The following ARB2A variants were observed in gnomAD, a reference collection of about 807,000 sequenced individuals.
The protein encoded by ARB2A is ARB2 cotranscriptional regulator A.
chr5:94,006,807 T>C, the ARB2A span, among the ~76,000 whole-genome samples: 1 of 152,190 alleles, frequency 6.6e-6, no homozygotes, highest in Non-Finnish European at 1.5e-5. Flanking sequence ...AAATTGCTCA[T>C]AAAATTAAAA....
At chr5:93,836,426 A>C in the ARB2A span, among the ~76,000 whole-genome samples, 2 of 152,222 alleles carry the variant, frequency 1.3e-5, no homozygotes, top group Admixed American at 1.3e-4. Context: ...CACACAAGGA[A>C]ATTTTATGCT....
chr5:94,065,659 C>A, the ARB2A span, among the ~76,000 whole-genome samples: 1 of 152,238 alleles, frequency 6.6e-6, no homozygotes, highest in Non-Finnish European at 1.5e-5. Flanking sequence ...ATAAAGGAAT[C>A]AATTCAGCAA....
the ARB2A span, among the ~76,000 whole-genome samples, chr5:93,722,680 C>T: frequency 6.6e-6 from 1 of 152,030 alleles, no homozygotes; most frequent in African/African-American, 2.4e-5. Context: ...GAGAAGGAAG[C>T]CAAAGCCAGA....
At chr5:93,731,883 C>G in the ARB2A span, among the ~76,000 whole-genome samples, 1 of 152,192 alleles carries the variant, frequency 6.6e-6, no homozygotes, top group African/African-American at 2.4e-5. Flanking sequence ...CCCATCGTTT[C>G]CTTTTCCAAC....
At chr5:94,066,778 T>G in the ARB2A span, among the ~76,000 whole-genome samples, 1 of 151,964 alleles carries the variant, frequency 6.6e-6, no homozygotes, top group Non-Finnish European at 1.5e-5. Flanking sequence ...TAACACAATT[T>G]CTCCTCAAAC....
At chr5:93,676,882 G>T in the ARB2A span, among the ~76,000 whole-genome samples, 4 of 152,118 alleles carry the variant, frequency 2.6e-5, no homozygotes, top group Non-Finnish European at 5.9e-5. Context: ...TGCTTGTCGG[G>T]TGAAGGAAAT....
At chr5:93,766,933 G>A in the ARB2A span, among the ~76,000 whole-genome samples, 4 of 150,856 alleles carry the variant, frequency 2.7e-5, no homozygotes, top group East Asian at 2.0e-4. Flanking sequence ...GCAAACTCTC[G>A]CAAGGACAAA....
chr5:93,851,407 T>C, the ARB2A span, among the ~76,000 whole-genome samples: 1 of 152,154 alleles, frequency 6.6e-6, no homozygotes, highest in Non-Finnish European at 1.5e-5. Flanking sequence ...TCAGTTCTCA[T>C]AGAGATATGA....
the ARB2A span, among the ~76,000 whole-genome samples, chr5:93,782,750 A>G: frequency 2.0e-5 from 3 of 152,178 alleles, no homozygotes; most frequent in Non-Finnish European, 4.4e-5. Flanking sequence ...TGAATCTCAA[A>G]GAGATAAAAT....
At chr5:94,022,124 G>T in the ARB2A span, among the ~76,000 whole-genome samples, 1 of 152,140 alleles carries the variant, frequency 6.6e-6, no homozygotes, top group South Asian at 2.1e-4. Flanking sequence ...AAACCAACAG[G>T]CGGAGGTTGC....
the ARB2A span, among the ~76,000 whole-genome samples, chr5:93,707,179 G>T: frequency 1.3e-5 from 2 of 152,244 alleles, no homozygotes; most frequent in South Asian, 2.1e-4. Context: ...GAACAAGTTT[G>T]TTTTGCTTTA....
chr5:93,821,560 T>A, the ARB2A span, among the ~76,000 whole-genome samples: 138,199 of 152,068 alleles, frequency 0.91, 63,193 homozygotes, highest in East Asian at 1. Context: ...TCCTGAAAAA[T>A]TGCCTATTTG....
At chr5:93,937,616 A>G in the ARB2A span, among the ~76,000 whole-genome samples, 1 of 152,132 alleles carries the variant, frequency 6.6e-6, no homozygotes, top group African/African-American at 2.4e-5. Flanking sequence ...ATCTCAAAAA[A>G]AAAAAGAGAG....
At chr5:93,802,530 T>C in the ARB2A span, among the ~76,000 whole-genome samples, 1 of 152,116 alleles carries the variant, frequency 6.6e-6, no homozygotes, top group Non-Finnish European at 1.5e-5. Context: ...ATTTAAAACA[T>C]GTATTTATAC....
the ARB2A span, among the ~76,000 whole-genome samples, chr5:93,650,643 C>T: frequency 3.6e-3 from 551 of 151,938 alleles, 1 homozygote; most frequent in Non-Finnish European, 5.7e-3. Flanking sequence ...TGGTGAAAAA[C>T]ATTAACTTAA....
At chr5:93,993,487 T>G in the ARB2A span, among the ~76,000 whole-genome samples, 3 of 152,150 alleles carry the variant, frequency 2.0e-5, no homozygotes, top group African/African-American at 7.2e-5. Context: ...TGTTATTCTT[T>G]TGCACTGTAG....
the ARB2A span, among the ~76,000 whole-genome samples, chr5:93,844,674 G>A: frequency 6.6e-6 from 1 of 152,080 alleles, no homozygotes; most frequent in Non-Finnish European, 1.5e-5. Flanking sequence ...GAGAGTAACA[G>A]AAGAATAAAG....
chr5:93,787,902 G>T, the ARB2A span, among the ~76,000 whole-genome samples: 514 of 152,252 alleles, frequency 3.4e-3, 1 homozygote, highest in African/African-American at 0.012. Flanking sequence ...AATGTCTAGG[G>T]TAAGAGGGAA....
the ARB2A span, among the ~76,000 whole-genome samples, chr5:93,826,938 T>C: frequency 2.0e-5 from 3 of 152,258 alleles, no homozygotes; most frequent in Middle Eastern, 3.4e-3. Context: ...TCATTTTTTA[T>C]GGCTGCATAG....
Sources: allele counts gnomAD v4.1 joint callset (sites outside exome capture counted in the v4.1 genomes callset), GRCh38; gene constraint gnomAD v4.1.1; transcripts MANE v1.5; gene names NCBI Gene and HGNC (gene_info 2026-07-23, HGNC 2026-07-21).